Variants in PLBD1 observed in about 807,000 individuals in gnomAD.
PLBD1 encodes lysosomal leucine aminopeptidase.
A neutral mutation model predicts 63.0 loss-of-function variants in PLBD1; 60 were observed. That is an observed-to-expected ratio of 0.95 (90% confidence interval 0.77 to 1.18). PLBD1 has a LOEUF of 1.18. Ranked by LOEUF, PLBD1 falls within the 50% of genes most tolerant of loss-of-function variation. PLBD1 has a pLI of 0.00. For synonymous variants in PLBD1, 262 were observed against 248.0 expected (o/e 1.06, Z -0.53); for missense variants, 598 against 677.9 (o/e 0.88, Z 1.31).
chr12:14,561,700 G>A (rs536673261), intron 1 of PLBD1, among the ~76,000 whole-genome samples: 2 of 152,270 alleles, frequency 1.3e-5, no homozygotes, highest in East Asian at 1.9e-4. Context: ...GATCACAAGC[G>A]TGCGCCACGC....
intron 6 of PLBD1, among the ~76,000 whole-genome samples, chr12:14,516,902 G>A (rs1320923136): frequency 6.6e-6 from 1 of 152,032 alleles, no homozygotes; most frequent in Non-Finnish European, 1.5e-5. Flanking sequence ...AGCAGGGCAT[G>A]GTGGCATACG....
chr12:14,543,263 T>A (rs1041406669), intron 2 of PLBD1, among the ~76,000 whole-genome samples: 1 of 152,146 alleles, frequency 6.6e-6, no homozygotes, highest in African/African-American at 2.4e-5. Context: ...TAAAAAGATA[T>A]AACTAATATT....
At chr12:14,541,381 G>T (rs1014164223) in intron 3 of PLBD1, among the ~76,000 whole-genome samples, 3 of 152,116 alleles carry the variant, frequency 2.0e-5, no homozygotes, top group East Asian at 3.8e-4. Flanking sequence ...GATTCATTCC[G>T]TTTCAGTTGT....
chr12:14,523,343 C>G (rs1449758123), intron 6 of PLBD1, among the ~76,000 whole-genome samples: 1 of 151,914 alleles, frequency 6.6e-6, no homozygotes, highest in Admixed American at 6.6e-5. Flanking sequence ...GAAGAGGATA[C>G]AAATGGAAAG....
Position 14,561,905 on chromosome 12 carries a change from C to A in PLBD1, c.115+5677G>T, listed in dbSNP as rs530888439. Among the ~76,000 whole-genome samples, 7 of 152,256 alleles carry A rather than the reference C, an allele frequency of 4.6e-5. No homozygotes were observed. The South Asian group carries it at 1.2e-3, about 27-fold the overall frequency. On this transcript the variant is annotated intron_variant, in intron 1 of 10. Coordinates refer to ENST00000240617, the MANE Select transcript of PLBD1 (RefSeq NM_024829.6). Reference sequence around the variant, plus strand: ...TGGGAAGGTCACACCTGGTGACAGACTTTATCAAGTTATATAAACTTGATA... The same window carrying A: ...TGGGAAGGTCACACCTGGTGACAGAATTTATCAAGTTATATAAACTTGATA...
intron 2 of PLBD1, among the ~76,000 whole-genome samples, chr12:14,549,395 G>C (rs145526327): frequency 6.6e-6 from 1 of 152,320 alleles, no homozygotes; most frequent in East Asian, 1.9e-4. Context: ...CTGCATCAAA[G>C]ACTGCAAAGC....
intron 1 of PLBD1, among the ~76,000 whole-genome samples, chr12:14,562,654 TC>T: frequency 6.6e-6 from 1 of 152,294 alleles, no homozygotes; most frequent in East Asian, 1.9e-4. Flanking sequence ...AGTCACATTT[TC>T]AAGCTGGATG....
intron 6 of PLBD1, among the ~76,000 whole-genome samples, chr12:14,512,369 A>T (rs867136658): frequency 2.6e-5 from 4 of 152,002 alleles, no homozygotes; most frequent in Non-Finnish European, 5.9e-5. Context: ...GGCTGGTCTC[A>T]AACTCCTGAC....
intron 6 of PLBD1, 38 bp downstream of exon 6, chr12:14,535,621 T>A (rs1481064936): frequency 6.2e-7 from 1 of 1,606,844 alleles, no homozygotes; most frequent in Non-Finnish European, 8.5e-7. Flanking sequence ...CCAGGAATAG[T>A]ACTCAAAGTG....
chr12:14,554,497 G>A (rs1945685465), intron 1 of PLBD1, among the ~76,000 whole-genome samples: 1 of 152,110 alleles, frequency 6.6e-6, no homozygotes, highest in African/African-American at 2.4e-5. Flanking sequence ...AAAGTTTAAA[G>A]TGTCCACACT....
intron 2 of PLBD1, among the ~76,000 whole-genome samples, chr12:14,551,394 AGTATTTTT>A (rs1945658313): frequency 6.6e-6 from 1 of 152,184 alleles, no homozygotes; most frequent in Non-Finnish European, 1.5e-5. Context: ...CTAATACAGA[AGTATTTTT>A]AAAAAGTTAT....
At chr12:14,547,951 T>A (rs1223803233) in intron 2 of PLBD1, among the ~76,000 whole-genome samples, 2 of 152,128 alleles carry the variant, frequency 1.3e-5, no homozygotes, top group Non-Finnish European at 2.9e-5. Flanking sequence ...TTCAGCTAGT[T>A]ACCTAACTTC....
chr12:14,542,577 T>G (rs1945582949), intron 2 of PLBD1, among the ~76,000 whole-genome samples: 1 of 152,228 alleles, frequency 6.6e-6, no homozygotes, highest in Non-Finnish European at 1.5e-5. Context: ...ACAAAAAATT[T>G]GAGTCGAAGC....
intron 4 of PLBD1, among the ~76,000 whole-genome samples, chr12:14,538,629 G>T (rs940980038): frequency 2.6e-5 from 4 of 152,104 alleles, no homozygotes; most frequent in African/African-American, 9.7e-5. Context: ...AATCTTGGAC[G>T]CTTCATTTTG....
chr12:14,524,331 A>T (rs1945400471), intron 6 of PLBD1, among the ~76,000 whole-genome samples: 1 of 152,174 alleles, frequency 6.6e-6, no homozygotes, highest in Admixed American at 6.5e-5. Context: ...GAAAGTGATA[A>T]ATGTTTGAAG....
intron 8 of PLBD1, 88 bp downstream of exon 8, chr12:14,511,172 C>G (rs1346186180): frequency 7.2e-6 from 9 of 1,255,792 alleles, no homozygotes; most frequent in Non-Finnish European, 9.8e-6. Context: ...CCTCCCCCAC[C>G]ACACATTCAC....
rs911984752 is a variant in PLBD1 at position 14,526,353 on chromosome 12, C to G, written c.844+9306G>C. ...ATATGCTTTGATTCATACTTAAACCCGAAAGCAGGAATGCCTACATTAATT... is the reference window on the plus strand; with the variant it reads ...ATATGCTTTGATTCATACTTAAACCGGAAAGCAGGAATGCCTACATTAATT... On this transcript the variant is annotated intron_variant, in intron 6 of 10. Transcript: ENST00000240617. 3.0e-4 allele frequency among the ~76,000 whole-genome samples: 46 copies of G among 152,152 alleles called. 1 individual carries two copies. The highest frequency in any genetic ancestry group is 1.6e-4 in the Non-Finnish European group (11 of 68,028).
chr12:14,506,103 G>T, intron 10 of PLBD1, 59 bp downstream of exon 10: 1 of 1,178,632 alleles, frequency 8.5e-7, no homozygotes, highest in Non-Finnish European at 1.2e-6. Flanking sequence ...GTGCAACTTT[G>T]CCTTTGGAGA....
chr12:14,558,886 C>G (rs1945727042), intron 1 of PLBD1, among the ~76,000 whole-genome samples: 1 of 152,146 alleles, frequency 6.6e-6, no homozygotes, highest in Non-Finnish European at 1.5e-5. Context: ...AACCTTTACT[C>G]AATCCCCAAG....
Sources: gnomAD v4.1 joint callset for allele counts (sites outside exome capture counted in the v4.1 genomes callset) on GRCh38, gnomAD v4.1.1 for gene constraint, MANE v1.5 for transcripts, NCBI Gene and HGNC (gene_info 2026-07-23, HGNC 2026-07-21) for gene names.